PLAC1: variants seen among roughly 807,000 people sequenced by gnomAD.
PLAC1 encodes placenta associated 1, also known as placenta-specific protein 1.
For synonymous variants in PLAC1, 68 were observed against 62.1 expected, an observed-to-expected ratio of 1.09 and a Z score of -0.44; for missense variants, 136 against 163.2, an observed-to-expected ratio of 0.83 and a Z score of 0.91.
chrX:134,661,126 T>C (rs1284062505), upstream of PLAC1, among the ~76,000 whole-genome samples: 1 of 111,224 alleles, frequency 9.0e-6, no homozygotes, highest in Non-Finnish European at 1.9e-5. Context: ...AGGAAGGGTG[T>C]TCTACTTCTT....
chrX:134,739,938 T>C (rs1477122323), intron 1 of PLAC1, among the ~76,000 whole-genome samples: 1 of 112,207 alleles, frequency 8.9e-6, no homozygotes, highest in African/African-American at 3.2e-5. Flanking sequence ...AAGACACAAA[T>C]ACAGGAATAT....
chrX:134,641,359 T>C (rs762871811), intron 1 of PLAC1, among the ~76,000 whole-genome samples: 3 of 112,652 alleles, frequency 2.7e-5, no homozygotes, highest in Non-Finnish European at 5.6e-5. Context: ...CCTGCATGGT[T>C]CCCTGTAGCC....
intron 1 of PLAC1, among the ~76,000 whole-genome samples, chrX:134,649,206 A>G (rs1354216585): frequency 4.8e-5 from 5 of 103,841 alleles, no homozygotes; most frequent in Non-Finnish European, 9.8e-5. Context: ...TGGAGGTTGC[A>G]GTGAGCAGAG....
At chrX:134,710,210 T>C (rs954597895) in intron 2 of PLAC1, among the ~76,000 whole-genome samples, 8 of 111,394 alleles carry the variant, frequency 7.2e-5, no homozygotes, top group Admixed American at 3.8e-4. Flanking sequence ...ACTGGAATGG[T>C]CTAGAAATAT....
chrX:134,636,822 A>G (rs1049841031), intron 1 of PLAC1, among the ~76,000 whole-genome samples: 1 of 112,090 alleles, frequency 8.9e-6, no homozygotes, highest in African/African-American at 3.2e-5. Flanking sequence ...TGGCCTTGCA[A>G]TCAGACTAAA....
At chrX:134,708,086 A>G (rs1443966792) in intron 2 of PLAC1, among the ~76,000 whole-genome samples, 1 of 112,420 alleles carries the variant, frequency 8.9e-6, no homozygotes, top group South Asian at 3.7e-4. Context: ...CAGAGGTAAC[A>G]AACAGAAAAC....
chrX:134,720,620 T>G (rs1239629582), intron 2 of PLAC1, among the ~76,000 whole-genome samples: 2 of 111,714 alleles, frequency 1.8e-5, no homozygotes, highest in Non-Finnish European at 3.8e-5. Flanking sequence ...ATTCTTAGGA[T>G]GATAGGACAA....
chrX:134,733,889 A>G (rs2078695902), intron 1 of PLAC1, among the ~76,000 whole-genome samples: 2 of 111,149 alleles, frequency 1.8e-5, no homozygotes, highest in African/African-American at 6.5e-5. Context: ...TTCCCTTAGA[A>G]AAAAAAAGAT....
intron 1 of PLAC1, among the ~76,000 whole-genome samples, chrX:134,613,280 G>A (rs1379618349): frequency 9.0e-6 from 1 of 111,342 alleles, no homozygotes; most frequent in African/African-American, 3.3e-5. Flanking sequence ...ACAGAATTGT[G>A]TCCATGTGGG....
At chrX:134,712,314 G>A (rs967478251) in intron 2 of PLAC1, among the ~76,000 whole-genome samples, 8 of 111,114 alleles carry the variant, frequency 7.2e-5, no homozygotes, top group African/African-American at 2.6e-4. Flanking sequence ...TCCATTATTA[G>A]TAAGTTCCTT....
chrX:134,685,101 A>C (rs1468061073), intron 2 of PLAC1, among the ~76,000 whole-genome samples: 2 of 112,200 alleles, frequency 1.8e-5, no homozygotes, highest in East Asian at 5.6e-4. Flanking sequence ...AGCCCTGCTG[A>C]GTGAGTGGCT....
intron 2 of PLAC1, among the ~76,000 whole-genome samples, chrX:134,663,627 A>G (rs2078425136): frequency 2.7e-5 from 3 of 112,620 alleles, no homozygotes; most frequent in Middle Eastern, 4.6e-3. Context: ...CATCTGAGCC[A>G]TCTTAAGGCA....
At chrX:134,618,324 T>A (rs182267069) in intron 1 of PLAC1, among the ~76,000 whole-genome samples, 5 of 112,435 alleles carry the variant, frequency 4.4e-5, no homozygotes, top group African/African-American at 1.6e-4. Context: ...TGGATCTTCT[T>A]AAGAACTTGC....
rs771183553 is a variant in PLAC1 at position 134,729,029 on chromosome X, C to T, written n.174+4406G>A. On this transcript the variant is annotated intron_variant and non_coding_transcript_variant, in intron 2 of 2. Coordinates refer to the PLAC1 transcript ENST00000466797. ...TAAGGAAGAGCCGTGGGCCTCTCCA[C>T]GTGGCTGCTAGTTGGGCTGTTGGAG... Among the ~76,000 whole-genome samples, 83 of 111,612 alleles carry T rather than the reference C, an allele frequency of 7.4e-4. 1 individual carries two copies. The highest frequency in any genetic ancestry group is 2.6e-3 in the African/African-American group (80 of 30,775).
At chrX:134,619,449 A>G (rs1602844737) in intron 1 of PLAC1, among the ~76,000 whole-genome samples, 1 of 110,766 alleles carries the variant, frequency 9.0e-6, no homozygotes, top group African/African-American at 3.3e-5. Context: ...TCAGGAGTTC[A>G]AGACCAGCCT....
chrX:134,642,921 G>A (rs1184517315), intron 1 of PLAC1, among the ~76,000 whole-genome samples: 1 of 109,098 alleles, frequency 9.2e-6, no homozygotes, highest in Non-Finnish European at 1.9e-5. Flanking sequence ...CAGAGAAAGG[G>A]AGAGGAAGAA....
At chrX:134,679,695 T>C (rs2078487517) in intron 2 of PLAC1, among the ~76,000 whole-genome samples, 1 of 112,169 alleles carries the variant, frequency 8.9e-6, no homozygotes, top group Non-Finnish European at 1.9e-5. Flanking sequence ...GAGACTAGCT[T>C]AAGTCTCCTA....
intron 1 of PLAC1, chrX:134,651,033 CTG>C (rs1183421840): frequency 2.0e-5 from 5 of 252,773 alleles, no homozygotes; most frequent in Admixed American, 1.8e-4. Flanking sequence ...TGTTTCTCGA[CTG>C]AAATCTTCCC....
At chrX:134,583,351 A>G (rs1226154623) in intron 2 of PLAC1, among the ~76,000 whole-genome samples, 1 of 107,119 alleles carries the variant, frequency 9.3e-6, no homozygotes, top group Non-Finnish European at 1.9e-5. Flanking sequence ...TCCGCCTCCC[A>G]AAGGATAGGA....
Sources: gnomAD v4.1 joint callset for allele counts (sites outside exome capture counted in the v4.1 genomes callset) on GRCh38, gnomAD v4.1.1 for gene constraint, MANE v1.5 for transcripts, NCBI Gene and HGNC (gene_info 2026-07-23, HGNC 2026-07-21) for gene names.